The following ATP11A variants were observed in gnomAD, a reference collection of about 807,000 sequenced individuals.
The protein encoded by ATP11A is phospholipid-transporting ATPase IH.
A neutral mutation model predicts 154.4 loss-of-function variants in ATP11A; 81 were observed. The observed-to-expected ratio is 0.52, with a 90% CI of 0.44 to 0.63. ATP11A has a LOEUF of 0.63. Ranked by LOEUF, ATP11A falls within the 30% of genes least tolerant of loss-of-function variation. ATP11A has a pLI of 0.00. For synonymous variants in ATP11A, 623 were observed against 585.9 expected (o/e 1.06, Z -0.91); for missense variants, 1,316 against 1,474.3 (o/e 0.89, Z 1.76).
chr13:112,836,782 G>A (rs751419298), intron 16 of ATP11A, among the ~76,000 whole-genome samples: 69 of 152,322 alleles, frequency 4.5e-4, no homozygotes, highest in African/African-American at 1.3e-3. Flanking sequence ...GAGCAGTGGC[G>A]GGGCACAGTC....
At chr13:112,824,513 G>A in intron 10 of ATP11A, 88 bp downstream of exon 10, 1 of 1,248,846 alleles carries the variant, frequency 8.0e-7, no homozygotes, top group Non-Finnish European at 1.2e-6. Context: ...GGCCTTATTG[G>A]CAGTTCCTTT....
At chr13:112,826,985 G>A in intron 12 of ATP11A, 94 bp downstream of exon 12, 1 of 1,317,340 alleles carries the variant, frequency 7.6e-7, no homozygotes, top group Non-Finnish European at 1.1e-6. Flanking sequence ...TCCGAGCGTG[G>A]CTGTACCTGT....
intron 8 of ATP11A, 80 bp from the exon 9 acceptor site, chr13:112,823,265 G>A: frequency 9.5e-7 from 1 of 1,047,358 alleles, no homozygotes; most frequent in Non-Finnish European, 1.5e-6. Flanking sequence ...AAACAAGTGG[G>A]TTTCACGTCT....
intron 2 of ATP11A, among the ~76,000 whole-genome samples, chr13:112,795,481 G>C (rs1478258519): frequency 2.6e-5 from 4 of 152,218 alleles, no homozygotes; most frequent in Admixed American, 1.3e-4. Flanking sequence ...TGTTGCATCT[G>C]CACCTTCACT....
chr13:112,818,187 G>A (rs1247294842), intron 6 of ATP11A, among the ~76,000 whole-genome samples: 1 of 150,482 alleles, frequency 6.6e-6, no homozygotes, highest in African/African-American at 2.5e-5. Flanking sequence ...GTGACCGTCG[G>A]TGCGCTTGGT....
chr13:112,707,158 G>C (rs1285246175), intron 1 of ATP11A, among the ~76,000 whole-genome samples: 2 of 152,160 alleles, frequency 1.3e-5, no homozygotes, highest in Non-Finnish European at 2.9e-5. Flanking sequence ...GCTCACACCT[G>C]TAATCCCAGC....
intron 1 of ATP11A, among the ~76,000 whole-genome samples, chr13:112,762,760 A>C (rs1229818256): frequency 6.6e-6 from 1 of 152,248 alleles, no homozygotes; most frequent in African/African-American, 2.4e-5. Flanking sequence ...CATAAAACGT[A>C]AAACATCACA....
intron 1 of ATP11A, among the ~76,000 whole-genome samples, chr13:112,742,076 C>T (rs1435975938): frequency 2.0e-5 from 3 of 152,198 alleles, no homozygotes; most frequent in East Asian, 1.9e-4. Flanking sequence ...GCTTTTCTCA[C>T]GTGTCCTAAG....
At chr13:112,724,655 A>T (rs1020787251) in intron 1 of ATP11A, among the ~76,000 whole-genome samples, 1 of 151,828 alleles carries the variant, frequency 6.6e-6, no homozygotes, top group Non-Finnish European at 1.5e-5. Flanking sequence ...CAGGCTGGGG[A>T]TGGAAGCTGC....
In ATP11A at chr13:112,875,663, ACT is replaced by A; in HGVS notation, c.3162-109_3162-108del. The A allele has an allele frequency of 1.6e-6, 2 of 1,230,336 alleles. No homozygotes were observed. The highest frequency in any genetic ancestry group is 3.0e-5 in the African/African-American group (2 of 66,316). The allele number at this position is 1,230,336 out of a possible 1,614,324, so 76.2% of individuals were successfully genotyped here. A position where few individuals can be genotyped will look rare whatever the true frequency, so the allele number is the denominator to read the frequency against. Reference sequence around the variant, plus strand: ...AGCAGGCTCCGTGGCTTGCCAAGCAACTCTCACTGACAAAAGTGTAAACTCCC... The same window carrying A: ...AGCAGGCTCCGTGGCTTGCCAAGCAACTCACTGACAAAAGTGTAAACTCCC... On this transcript the variant is annotated intron_variant, in intron 27 of 29. Transcript: ENST00000375645. This position sits in a 1 kb window ranked among gnomAD's most constrained non-coding sequence, Gnocchi z 4.1.
At chr13:112,846,848 G>A (rs554907347) in intron 17 of ATP11A, among the ~76,000 whole-genome samples, 1 of 152,338 alleles carries the variant, frequency 6.6e-6, no homozygotes, top group East Asian at 1.9e-4. Context: ...CAGACCCACA[G>A]CAGTGCCTGC....
In ATP11A at chr13:112,845,574, CA is replaced by C. The variant is rs770708516; in HGVS notation, c.1809+3196del. ...TAGCGGTACTAACCAGTCCAGTTGCCAGGCACTAGTGGTTCTAACCAGTCCA... is the reference window on the plus strand; with the variant it reads ...TAGCGGTACTAACCAGTCCAGTTGCCGGCACTAGTGGTTCTAACCAGTCCA... On this transcript the variant is annotated intron_variant, in intron 17 of 29. Transcript: ENST00000375645. 6.1e-4 allele frequency among the ~76,000 whole-genome samples: 73 copies of C among 120,504 alleles called. 18 individuals carry two copies. In the East Asian group the frequency reaches 0.014, roughly 24 times the overall value. 79.1% of individuals were successfully genotyped at this position (120,504 alleles called of 152,430 possible). A position where few individuals can be genotyped will look rare whatever the true frequency, so the allele number is the denominator to read the frequency against.
rs529511813 is a variant in ATP11A, at chr13:112,718,889, A to G, written c.39+28434A>G. Among the ~76,000 whole-genome samples, 94 of 152,120 alleles carry G rather than the reference A, an allele frequency of 6.2e-4. 1 individual carries two copies. The highest frequency in any genetic ancestry group is 2.1e-3 in the African/African-American group (89 of 41,492). On this transcript the variant is annotated intron_variant, in intron 1 of 29. Transcript: ENST00000375645. ...GAGATGGGGTTTTACCATGTTGGCC[A>G]GGCTGGTCTCGAACGTCTGACCTCC... is the stretch of plus-strand genomic sequence containing the variant.
At chr13:112,803,562 CAG>C (rs922170147) in intron 2 of ATP11A, among the ~76,000 whole-genome samples, 3 of 146,336 alleles carry the variant, frequency 2.1e-5, no homozygotes, top group African/African-American at 7.8e-5. Flanking sequence ...TTTCCAAACT[CAG>C]TGAAGGTTCG....
At chr13:112,834,787 C>A in intron 15 of ATP11A, 127 bp downstream of exon 15, 1 of 698,156 alleles carries the variant, frequency 1.4e-6, no homozygotes. Flanking sequence ...CTCTCCTTCC[C>A]AGTGACACCC....
intron 22 of ATP11A, 142 bp downstream of exon 22, chr13:112,858,432 T>A: frequency 1.2e-6 from 1 of 858,128 alleles, no homozygotes; most frequent in Non-Finnish European, 1.7e-6. Context: ...GGGGTGAATC[T>A]GATTGCAGTC....
At chr13:112,731,937 C>T (rs920481143) in intron 1 of ATP11A, among the ~76,000 whole-genome samples, 1 of 83,064 alleles carries the variant, frequency 1.2e-5, no homozygotes, top group East Asian at 3.8e-4. Context: ...GAAATGGGGG[C>T]GGGGGGGGGC....
intron 1 of ATP11A, among the ~76,000 whole-genome samples, chr13:112,749,833 C>A (rs1323996747): frequency 2.5e-5 from 3 of 121,896 alleles, no homozygotes; most frequent in Non-Finnish European, 3.3e-5. Flanking sequence ...GAATTTCTGT[C>A]TTAGGGAAGG....
At chr13:112,728,496 G>A (rs1890130904) in intron 1 of ATP11A, among the ~76,000 whole-genome samples, 1 of 148,108 alleles carries the variant, frequency 6.8e-6, no homozygotes, top group South Asian at 2.1e-4. Context: ...TTACCTGTAT[G>A]TACCGCGTTA....
Sources: allele counts gnomAD v4.1 joint callset (sites outside exome capture counted in the v4.1 genomes callset), GRCh38; gene constraint gnomAD v4.1.1; non-coding constraint Gnocchi (gnomAD v3.1); transcripts MANE v1.5; gene names NCBI Gene and HGNC (gene_info 2026-07-23, HGNC 2026-07-21).